The following PLEK variants were observed in gnomAD, a reference collection of about 807,000 sequenced individuals.
PLEK encodes pleckstrin.
Under a neutral mutation model 43.9 loss-of-function variants are expected in PLEK, and 25 were observed. That is an observed-to-expected ratio of 0.57 (90% confidence interval 0.41 to 0.79). The LOEUF is 0.79. Among genes scored for constraint, PLEK ranks in the 30% least tolerant of loss-of-function variants. PLEK has a pLI of 0.00. For synonymous variants in PLEK, 152 were observed against 144.4 expected (o/e 1.05, Z -0.38); for missense variants, 396 against 413.3 (o/e 0.96, Z 0.36).
Position 68,388,472 on chromosome 2 carries a change from A to C in PLEK, c.743A>C (p.Gln248Pro). The change falls in exon 6 of 9, where the codon CAG becomes CCG. Residue 248 changes from glutamine (Q) to proline (P), a missense_variant. Coordinates refer to ENST00000234313, the MANE Select transcript of PLEK (RefSeq NM_002664.3). Reference sequence around the variant, plus strand: ...GAATTCAGAGGGGTCATTATCAAGCAGGGATGTTTACTGAAGCAGGTGAGT... The same window carrying C: ...GAATTCAGAGGGGTCATTATCAAGCCGGGATGTTTACTGAAGCAGGTGAGT... Reference protein sequence around the residue: ...KEEFRGVIIKQGCLLKQGHRR... With the variant: ...KEEFRGVIIKPGCLLKQGHRR... 6.3e-7 allele frequency: 1 copy of C among 1,594,618 alleles called. No individual in the cohort carries two copies. Among genetic ancestry groups the C allele is most frequent in the African/African-American group, 1.3e-5 (1 of 74,686 alleles).
chr2:68,371,411 G>GT (rs1278431648), intron 1 of PLEK, among the ~76,000 whole-genome samples: 1 of 152,164 alleles, frequency 6.6e-6, no homozygotes, highest in African/African-American at 2.4e-5. Context: ...ACAGGCTCTG[G>GT]TTTACCTGCA....
At chr2:68,374,646 A>T (rs1370375027) in intron 1 of PLEK, among the ~76,000 whole-genome samples, 1 of 152,220 alleles carries the variant, frequency 6.6e-6, no homozygotes, top group Non-Finnish European at 1.5e-5. Flanking sequence ...AGTATGCTAT[A>T]AAGTTCCATT....
At position 68,374,302 on chromosome 2, in the gene PLEK, G is replaced by T. The variant is rs1020959271; in HGVS notation, c.43-6026G>T. Among the ~76,000 whole-genome samples, 4 of 152,128 alleles carry T rather than the reference G, an allele frequency of 2.6e-5. No homozygotes were observed. In the East Asian group the frequency reaches 5.8e-4, roughly 22 times the overall value. ...AATACACCTTTTACATTCAAATGAT[G>T]CCAGATCACTCAATAATATTCTGCA... On this transcript the variant is annotated intron_variant, in intron 1 of 8. Transcript: ENST00000234313.
intron 6 of PLEK, among the ~76,000 whole-genome samples, chr2:68,390,107 G>A (rs923204145): frequency 6.6e-6 from 1 of 152,110 alleles, no homozygotes; most frequent in Non-Finnish European, 1.5e-5. Flanking sequence ...AGGAGACCTG[G>A]GATGGTCAAA....
intron 6 of PLEK, 136 bp from the exon 7 acceptor site, chr2:68,393,026 A>G: frequency 1.4e-6 from 1 of 703,752 alleles, no homozygotes; most frequent in East Asian, 2.5e-5. Flanking sequence ...AGGCCGGGAT[A>G]TTGTTATCCT....
chr2:68,380,982 C>A, intron 3 of PLEK, 78 bp downstream of exon 3: 1 of 1,221,390 alleles, frequency 8.2e-7, no homozygotes, highest in Non-Finnish European at 1.2e-6. Flanking sequence ...CCAAGGCTTG[C>A]TTTGACCACC....
Position 68,395,904 on chromosome 2 carries a change from G to T in PLEK, c.*88G>T. On this transcript the variant is annotated 3_prime_UTR_variant, in exon 9 of 9. Transcript: ENST00000234313. ...CTGTCCACTTCTGTGACAAATCAAC[G>T]GGAAACAGCCCAGGGGTGGGAAGTT... 1.7e-6 allele frequency: 2 copies of T among 1,206,614 alleles called. No homozygotes were observed. 74.7% of individuals were successfully genotyped at this position (1,206,614 alleles called of 1,614,324 possible).
chr2:68,395,382 G>GCT (rs1213849785), intron 8 of PLEK, among the ~76,000 whole-genome samples: 1 of 152,024 alleles, frequency 6.6e-6, no homozygotes, highest in African/African-American at 2.4e-5. Flanking sequence ...ATACAAAGGT[G>GCT]AGAAATTTAG....
chr2:68,382,809 G>T, intron 4 of PLEK, among the ~76,000 whole-genome samples, 176 bp downstream of exon 4: 1 of 152,084 alleles, frequency 6.6e-6, no homozygotes, highest in Non-Finnish European at 1.5e-5. Flanking sequence ...GAAGTTTGTT[G>T]TTCAAGCTAA....
rs1673956821 is a variant in PLEK, at chr2:68,396,007, C to T, written c.*191C>T. ...CCTGCATTGTATTGCTCACTGCAGC[C>T]CCTCTGCCCCTATCCATGACCCCCA... is the stretch of plus-strand genomic sequence containing the variant. On this transcript the variant is annotated 3_prime_UTR_variant, in exon 9 of 9. Coordinates refer to ENST00000234313, the MANE Select transcript of PLEK (RefSeq NM_002664.3). 1 of 581,372 alleles carries T rather than the reference C, an allele frequency of 1.7e-6. No individual in the cohort carries two copies. Among genetic ancestry groups the T allele is most frequent in the African/African-American group, 1.9e-5 (1 of 53,496 alleles). The allele number at this position is 581,372 out of a possible 1,614,324, so 36.0% of individuals were successfully genotyped here. A position where few individuals can be genotyped will look rare whatever the true frequency, so the allele number is the denominator to read the frequency against.
At chr2:68,372,848 T>G (rs1386002326) in intron 1 of PLEK, among the ~76,000 whole-genome samples, 2 of 151,822 alleles carry the variant, frequency 1.3e-5, no homozygotes, top group Admixed American at 6.6e-5. Flanking sequence ...AGAACCAAAA[T>G]GAAAATGACA....
intron 3 of PLEK, 143 bp from the exon 4 acceptor site, chr2:68,382,399 G>A (rs994360018): frequency 1.7e-6 from 1 of 589,750 alleles, no homozygotes; most frequent in African/African-American, 1.9e-5. Flanking sequence ...TCTGATGGAG[G>A]GAGATTAAGC....
intron 4 of PLEK, among the ~76,000 whole-genome samples, 197 bp from the exon 5 acceptor site, chr2:68,386,305 C>G (rs923411590): frequency 2.6e-5 from 4 of 151,958 alleles, no homozygotes; most frequent in Admixed American, 6.6e-5. Context: ...TCTTAAAAAC[C>G]CTTTACATAG....
rs1395006067 is a variant in PLEK, at chr2:68,365,440, G to A, written c.42+47G>A. 6 of 1,484,610 alleles carry A rather than the reference G, an allele frequency of 4.0e-6. No homozygotes were observed. The East Asian group carries it at 1.4e-4, about 34-fold the overall frequency. 92.0% of individuals were successfully genotyped at this position (1,484,610 alleles called of 1,614,324 possible). On this transcript the variant is annotated intron_variant, in intron 1 of 8. Coordinates refer to ENST00000234313, the MANE Select transcript of PLEK (RefSeq NM_002664.3). The stretch of plus-strand genomic sequence containing the variant: ...CAGGGTGTCAGTGGACATGGGCTGG[G>A]GAGACTTGGGTTCAGCTCCACCGGC...
chr2:68,386,765 C>T, intron 5 of PLEK, 79 bp downstream of exon 5: 2 of 1,142,240 alleles, frequency 1.8e-6, no homozygotes, highest in South Asian at 1.4e-5. Context: ...AGTTCATAGA[C>T]ATCTATAGAG....
intron 4 of PLEK, among the ~76,000 whole-genome samples, chr2:68,384,065 G>A (rs967355278): frequency 6.6e-6 from 1 of 152,300 alleles, no homozygotes; most frequent in Admixed American, 6.5e-5. Flanking sequence ...GCATTTCAAT[G>A]TAGACTTGGG....
chr2:68,380,505 C>A (rs1307696914), intron 2 of PLEK, 22 bp downstream of exon 2: 1 of 1,608,486 alleles, frequency 6.2e-7, no homozygotes, highest in Non-Finnish European at 8.5e-7. Context: ...TCATGAGCTG[C>A]CGTGAACCCC....
Position 68,380,872 on chromosome 2 carries a change from G to T in PLEK, c.348G>T (p.Arg116Ser), listed in dbSNP as rs752415590. 1.6e-5 allele frequency: 26 copies of T among 1,613,846 alleles called. No individual in the cohort carries two copies. The highest frequency in any genetic ancestry group is 9.3e-5 in the African/African-American group (7 of 74,886). ...GQKFARKSTR[R>S]SIRLPETIDL... is the part of the protein sequence containing the mutation. Reference sequence around the variant, plus strand: ...AATTTGCCAGGAAATCTACCAGGAGGTCCATTCGACTGCCAGAAACCATTG... The same window carrying T: ...AATTTGCCAGGAAATCTACCAGGAGTTCCATTCGACTGCCAGAAACCATTG... The change falls in exon 3 of 9, where the codon AGG (arginine) becomes AGT (serine). Residue 116 changes from arginine (R) to serine (S), a missense_variant. Transcript: ENST00000234313.
chr2:68,370,581 G>T (rs1018857107), intron 1 of PLEK, among the ~76,000 whole-genome samples: 4 of 152,280 alleles, frequency 2.6e-5, no homozygotes, highest in Admixed American at 2.0e-4. Context: ...CACCTCCAGG[G>T]TTCAAGTGAT....
Sources: gnomAD v4.1 joint callset for allele counts (sites outside exome capture counted in the v4.1 genomes callset) on GRCh38, gnomAD v4.1.1 for gene constraint, MANE v1.5 for transcripts, NCBI Gene and HGNC (gene_info 2026-07-23, HGNC 2026-07-21) for gene names.